ST3GAL3: variants seen among roughly 807,000 people sequenced by gnomAD.
ST3GAL3 encodes CMP-N-acetylneuraminate-beta-1,4-galactoside alpha-2,3-sialyltransferase.
Under a neutral mutation model 50.1 loss-of-function variants are expected in ST3GAL3, and 21 were observed. That is an observed-to-expected ratio of 0.42 (90% CI 0.30 to 0.60). The LOEUF (loss-of-function observed/expected upper bound fraction) is 0.60. Among genes scored for constraint, ST3GAL3 ranks in the 20% least tolerant of loss-of-function variants. ST3GAL3 has a pLI of 0.19. For missense variants in ST3GAL3, 353 were observed against 489.4 expected (o/e 0.72, Z 2.63); for synonymous variants, 183 against 190.0 (o/e 0.96, Z 0.30).
At chr1:43,800,609 C>T (rs948664346) in intron 3 of ST3GAL3, among the ~76,000 whole-genome samples, 2 of 152,226 alleles carry the variant, frequency 1.3e-5, no homozygotes, top group Admixed American at 6.5e-5. Flanking sequence ...GGTTCCACGG[C>T]ATCCCTGCTA....
chr1:43,754,176 T>C (rs951692539), intron 2 of ST3GAL3, among the ~76,000 whole-genome samples: 4 of 152,108 alleles, frequency 2.6e-5, no homozygotes, highest in Non-Finnish European at 5.9e-5. Context: ...ACAAAACTCA[T>C]GTATAATAGG....
intron 2 of ST3GAL3, among the ~76,000 whole-genome samples, chr1:43,758,789 G>A (rs1689080023): frequency 6.6e-6 from 1 of 152,024 alleles, no homozygotes; most frequent in African/African-American, 2.4e-5. Context: ...CACTTTGGGA[G>A]GCTCAGGCAG....
intron 2 of ST3GAL3, among the ~76,000 whole-genome samples, chr1:43,782,100 A>G (rs1391801962): frequency 2.6e-5 from 4 of 152,234 alleles, no homozygotes; most frequent in Non-Finnish European, 5.9e-5. Context: ...GTAGCATCCT[A>G]ATTGGCAAAC....
chr1:43,915,875 T>C (rs886947148), intron 9 of ST3GAL3, among the ~76,000 whole-genome samples: 4 of 152,286 alleles, frequency 2.6e-5, no homozygotes, highest in Admixed American at 1.3e-4. Flanking sequence ...TCCCAGCACT[T>C]TGGGAGGCCG....
intron 2 of ST3GAL3, among the ~76,000 whole-genome samples, chr1:43,765,743 CTGTGTGTGTCTGTGTGTGTGTGTGTG>C (rs1254677693): frequency 7.1e-6 from 1 of 140,798 alleles, no homozygotes; most frequent in Admixed American, 7.1e-5. Context: ...ATGTGTGTGT[CTGTGTGTGTCTGTGTGTGTGTGTGTG>C]TGTGTGTGTG....
At position 43,830,236 on chromosome 1, in the gene ST3GAL3, C is replaced by T. The variant is rs187505217; in HGVS notation, c.210-7983C>T. 2.7e-3 allele frequency among the ~76,000 whole-genome samples: 409 copies of T among 151,868 alleles called. 2 individuals carry two copies. The highest frequency in any genetic ancestry group is 9.6e-3 in the African/African-American group (396 of 41,422). On this transcript the variant is annotated intron_variant, in intron 4 of 11. Transcript: ENST00000347631. ...TTTTTTTAAATAGAGATAAGGTCTCCCTATGTTGCCTCTGGTCTCAAACTC... is the reference window on the plus strand; with the variant it reads ...TTTTTTTAAATAGAGATAAGGTCTCTCTATGTTGCCTCTGGTCTCAAACTC...
At chr1:43,720,283 T>A (rs767349998) in intron 1 of ST3GAL3, among the ~76,000 whole-genome samples, 5 of 152,148 alleles carry the variant, frequency 3.3e-5, no homozygotes, top group Non-Finnish European at 5.9e-5. Context: ...ATTGGAATGC[T>A]CATTCACTGC....
chr1:43,890,633 G>A (rs1358066540), intron 5 of ST3GAL3, among the ~76,000 whole-genome samples: 1 of 152,156 alleles, frequency 6.6e-6, no homozygotes, highest in Non-Finnish European at 1.5e-5. Context: ...CAGCACTTTG[G>A]GAGCCTGAGG....
chr1:43,759,648 G>T (rs1689554139), intron 2 of ST3GAL3, among the ~76,000 whole-genome samples: 1 of 152,192 alleles, frequency 6.6e-6, no homozygotes, highest in South Asian at 2.1e-4. Context: ...CTGTTGCACT[G>T]TGTTGGCATC....
At position 43,864,650 on chromosome 1, in the gene ST3GAL3, G is replaced by C. The variant is rs1168542294; in HGVS notation, c.302+26339G>C. ...AGCATCAGATTTGTGCTTTAGAAAG[G>C]TCATTGCCTGAAATGGGGAGAAAGG... On this transcript the variant is annotated intron_variant, in intron 5 of 11. Coordinates refer to ENST00000347631, the MANE Select transcript of ST3GAL3 (RefSeq NM_006279.5). Among the ~76,000 whole-genome samples, 7 of 152,174 alleles carry C rather than the reference G, an allele frequency of 4.6e-5. No homozygotes were observed. The East Asian group carries it at 1.2e-3, about 25-fold the overall frequency.
chr1:43,848,700 T>G (rs1015281562), intron 5 of ST3GAL3, among the ~76,000 whole-genome samples: 1 of 152,214 alleles, frequency 6.6e-6, no homozygotes, highest in Non-Finnish European at 1.5e-5. Flanking sequence ...TTTTATTCTT[T>G]GTAATCACAT....
intron 3 of ST3GAL3, among the ~76,000 whole-genome samples, chr1:43,811,435 C>A (rs1421982554): frequency 6.6e-6 from 1 of 152,122 alleles, no homozygotes; most frequent in African/African-American, 2.4e-5. Context: ...ATTTTAGGGG[C>A]CTCTTCTCTG....
At chr1:43,876,154 G>C (rs1424539667) in intron 5 of ST3GAL3, among the ~76,000 whole-genome samples, 1 of 151,956 alleles carries the variant, frequency 6.6e-6, no homozygotes. Context: ...TGTAGAGACA[G>C]GGTTTCGCCA....
intron 2 of ST3GAL3, among the ~76,000 whole-genome samples, chr1:43,752,150 G>C (rs1202345756): frequency 6.6e-6 from 1 of 152,084 alleles, no homozygotes; most frequent in African/African-American, 2.4e-5. Context: ...TGTGCTTGGA[G>C]CTCACAGTGT....
chr1:43,708,088 T>G (rs1408735145), intron 1 of ST3GAL3: 1 of 152,318 alleles, frequency 6.6e-6, no homozygotes, highest in Non-Finnish European at 1.5e-5. Context: ...AGCGTTTGGG[T>G]AGCGGTTGTC....
intron 6 of ST3GAL3, 54 bp downstream of exon 6, chr1:43,894,531 T>C: frequency 6.6e-7 from 1 of 1,520,256 alleles, no homozygotes; most frequent in Non-Finnish European, 9.1e-7. Context: ...ACTGTCTCCC[T>C]GTCCTTCAGA....
chr1:43,727,852 TAAACCTTTTTTAAAAAAATA>T (rs1167166838), intron 1 of ST3GAL3, among the ~76,000 whole-genome samples: 3 of 152,196 alleles, frequency 2.0e-5, no homozygotes, highest in African/African-American at 4.8e-5. Context: ...ATCTGTGTCC[TAAACCTTTTTTAAAAAAATA>T]ATTTCAACTT....
At chr1:43,759,063 GCGCACA>G (rs1351136129) in intron 2 of ST3GAL3, among the ~76,000 whole-genome samples, 2,279 of 132,390 alleles carry the variant, frequency 0.017, 24 homozygotes, top group East Asian at 0.028. Flanking sequence ...ACAAAAGCGC[GCGCACA>G]CACACACACA....
intron 5 of ST3GAL3, among the ~76,000 whole-genome samples, chr1:43,860,841 G>A (rs1359424777): frequency 6.6e-6 from 1 of 152,226 alleles, no homozygotes; most frequent in East Asian, 1.9e-4. Flanking sequence ...GCCTGTAACT[G>A]GGCCTAATTT....
Sources: allele counts gnomAD v4.1 joint callset (sites outside exome capture counted in the v4.1 genomes callset), GRCh38; gene constraint gnomAD v4.1.1; transcripts MANE v1.5; gene names NCBI Gene and HGNC (gene_info 2026-07-23, HGNC 2026-07-21).